RCOR1: variants seen among roughly 807,000 people sequenced by gnomAD.
The protein encoded by RCOR1 is REST corepressor 1.
A neutral mutation model predicts 64.0 loss-of-function variants in RCOR1; 12 were observed. The ratio of observed to expected loss-of-function variants is 0.19; its 90% CI spans 0.12 to 0.30. The LOEUF (loss-of-function observed/expected upper bound fraction) is 0.30, where lower values mean the gene tolerates loss of function less well. Ranked by LOEUF, RCOR1 falls within the 10% of genes least tolerant of loss-of-function variation. RCOR1 has a pLI of 1.00. For missense variants in RCOR1, 502 were observed against 621.2 expected (o/e 0.81, Z 2.04); for synonymous variants, 279 against 227.2 (o/e 1.23, Z -2.05).
chr14:102,621,367 CTTTTTTT>C (rs35481023), intron 2 of RCOR1, among the ~76,000 whole-genome samples: 7 of 78,514 alleles, frequency 8.9e-5, no homozygotes, highest in African/African-American at 3.1e-4. Context: ...CAGTCTTTGT[CTTTTTTT>C]TTTTTTTTTT....
chr14:102,706,645 G>A (rs572852644), intron 4 of RCOR1, among the ~76,000 whole-genome samples: 8 of 152,114 alleles, frequency 5.3e-5, no homozygotes, highest in Admixed American at 3.3e-4. Context: ...GGGCAACATG[G>A]CAAAACCCTG....
chr14:102,644,626 A>G (rs1158650017), intron 2 of RCOR1, among the ~76,000 whole-genome samples: 1 of 151,540 alleles, frequency 6.6e-6, no homozygotes, highest in Admixed American at 6.6e-5. Context: ...TGGCCACCCA[A>G]AGCTCCTCAG....
intron 2 of RCOR1, among the ~76,000 whole-genome samples, chr14:102,595,076 T>G (rs556260147): frequency 7.9e-5 from 12 of 152,348 alleles, no homozygotes; most frequent in African/African-American, 2.9e-4. Flanking sequence ...CTCTGCATTG[T>G]TAGTAATGAG....
chr14:102,605,938 G>A (rs910643733), intron 2 of RCOR1, among the ~76,000 whole-genome samples: 1 of 151,812 alleles, frequency 6.6e-6, no homozygotes, highest in African/African-American at 2.4e-5. Flanking sequence ...TTTTGTTTTT[G>A]TTTTTGAAAT....
chr14:102,698,551 TAAAG>T (rs946760441), intron 3 of RCOR1, among the ~76,000 whole-genome samples: 1 of 152,220 alleles, frequency 6.6e-6, no homozygotes, highest in African/African-American at 2.4e-5. Context: ...AAGTATTTAT[TAAAG>T]GAAGGAACCC....
intron 2 of RCOR1, among the ~76,000 whole-genome samples, chr14:102,653,280 G>A (rs1305533643): frequency 2.0e-5 from 3 of 152,066 alleles, no homozygotes; most frequent in Non-Finnish European, 4.4e-5. Context: ...GTGTAGTGGT[G>A]CAATCTTGCC....
chr14:102,603,469 C>T (rs1316780606), intron 2 of RCOR1, among the ~76,000 whole-genome samples: 2 of 152,022 alleles, frequency 1.3e-5, no homozygotes, highest in Non-Finnish European at 2.9e-5. Flanking sequence ...GGTTTATAGG[C>T]TCTTGCCACT....
intron 11 of RCOR1, among the ~76,000 whole-genome samples, chr14:102,725,211 T>C (rs1343760152): frequency 6.6e-6 from 1 of 152,212 alleles, no homozygotes; most frequent in Non-Finnish European, 1.5e-5. Context: ...AGAAATCTCC[T>C]CCTGTATCTA....
intron 2 of RCOR1, chr14:102,662,450 A>T: frequency 1.8e-6 from 1 of 546,444 alleles, no homozygotes; most frequent in Middle Eastern, 5.6e-4. Flanking sequence ...GCTCTTCTTC[A>T]TGGCAGACTC....
intron 2 of RCOR1, among the ~76,000 whole-genome samples, chr14:102,615,058 C>T (rs1021215021): frequency 1.3e-5 from 2 of 151,940 alleles, no homozygotes; most frequent in African/African-American, 2.4e-5. Flanking sequence ...GTCTCGATCT[C>T]TTGACCTCGT....
chr14:102,675,047 C>CAAAAAAAAAAAAAA (rs761294133), intron 2 of RCOR1, among the ~76,000 whole-genome samples: 1 of 63,408 alleles, frequency 1.6e-5, no homozygotes, highest in African/African-American at 6.1e-5. Context: ...GACTCCACCT[C>CAAAAAAAAAAAAAA]AAAAAAAAAA....
chr14:102,709,478 C>T (rs1177878727), intron 6 of RCOR1, among the ~76,000 whole-genome samples: 2 of 152,050 alleles, frequency 1.3e-5, no homozygotes, highest in Admixed American at 6.6e-5. Context: ...AATATATGGT[C>T]CCCGGTGTCC....
rs200264030 is a variant in RCOR1, at chr14:102,714,539, G to A, written c.975G>A (p.Glu325=). ...TGTTTCTTTCTCAAGAAGATGTGGA[G>A]GCTGTTTCTGCCAATGCCACTGCTG... ...KGMFLSQEDV[E]AVSANATAAT... The change falls in exon 8 of 12, where the codon GAG becomes GAA. Residue 325 remains glutamate, a synonymous_variant. Transcript: ENST00000262241. 6.2e-7 allele frequency: 1 copy of A among 1,613,968 alleles called. No individual in the cohort carries two copies. Among genetic ancestry groups the A allele is most frequent in the African/African-American group, 1.3e-5 (1 of 74,910 alleles).
chr14:102,656,990 G>T (rs544361621), intron 2 of RCOR1: 1 of 553,804 alleles, frequency 1.8e-6, no homozygotes, highest in Non-Finnish European at 2.3e-6. Flanking sequence ...GGCCAGGATG[G>T]TCGCGAACTC....
intron 3 of RCOR1, among the ~76,000 whole-genome samples, chr14:102,693,972 A>C (rs1376785236): frequency 6.6e-6 from 1 of 152,076 alleles, no homozygotes; most frequent in Non-Finnish European, 1.5e-5. Context: ...ATTACAGGCT[A>C]TAAGTGTGAG....
At chr14:102,704,993 G>T (rs955920234) in intron 4 of RCOR1, among the ~76,000 whole-genome samples, 3 of 152,148 alleles carry the variant, frequency 2.0e-5, no homozygotes, top group Non-Finnish European at 2.9e-5. Flanking sequence ...AAACATGGTA[G>T]TGTGTGCCTG....
intron 2 of RCOR1, among the ~76,000 whole-genome samples, chr14:102,630,430 A>C (rs1337942186): frequency 1.3e-5 from 2 of 152,220 alleles, no homozygotes; most frequent in African/African-American, 4.8e-5. Context: ...GGAACACTAA[A>C]GGGACTAAGA....
intron 2 of RCOR1, among the ~76,000 whole-genome samples, chr14:102,622,084 C>CT (rs1174828681): frequency 6.6e-6 from 1 of 152,174 alleles, no homozygotes; most frequent in Admixed American, 6.6e-5. Context: ...ATTAACTGTG[C>CT]TTGACAACAT....
chr14:102,682,171 C>T (rs1377075192), intron 3 of RCOR1, among the ~76,000 whole-genome samples, 193 bp downstream of exon 3: 1 of 151,690 alleles, frequency 6.6e-6, no homozygotes, highest in Non-Finnish European at 1.5e-5. Flanking sequence ...GCTCTGTTGC[C>T]CAGGCTGGAG....
Sources: allele counts gnomAD v4.1 joint callset (sites outside exome capture counted in the v4.1 genomes callset), GRCh38; gene constraint gnomAD v4.1.1; transcripts MANE v1.5; gene names NCBI Gene and HGNC (gene_info 2026-07-23, HGNC 2026-07-21).